G6PC1: variants seen among roughly 807,000 people sequenced by gnomAD.
The protein encoded by G6PC1 is G-6-Pase.
Under a neutral mutation model 30.4 loss-of-function variants are expected in G6PC1, and 23 were observed. The observed-to-expected ratio is 0.76, with a 90% confidence interval of 0.55 to 1.07. The LOEUF (loss-of-function observed/expected upper bound fraction) is 1.07. G6PC1 is among the 50% of genes least tolerant of loss of function. The pLI is 0.00. For missense variants in G6PC1, 391 were observed against 433.9 expected (o/e 0.90, Z 0.88); for synonymous variants, 163 against 175.6 (o/e 0.93, Z 0.57).
chr17:42,901,081 G>T lies in G6PC1; in HGVS notation c.205G>T (p.Asp69Tyr). Reference protein sequence around the residue: ...IKLLWVAVIGDWLNLVFKWIL... With the variant: ...IKLLWVAVIGYWLNLVFKWIL... ...ACTCCTTTGGGTAGCTGTGATTGGA[G>T]ACTGGCTCAACCTCGTCTTTAAGTG... Residue 69 changes from aspartate to tyrosine, a missense_variant, in exon 1 of 5, where the codon GAC (aspartate) becomes TAC (tyrosine). Physicochemically the swap from Asp to Tyr is radical, Grantham distance 160. Coordinates refer to ENST00000253801, the MANE Select transcript of G6PC1 (RefSeq NM_000151.4). The T allele has an allele frequency of 6.2e-7, 1 of 1,614,124 alleles. No individual in the cohort carries two copies. The highest frequency in any genetic ancestry group is 8.5e-7 in the Non-Finnish European group (1 of 1,179,986).
In G6PC1 at chr17:42,911,422, T is replaced by C; in HGVS notation, c.1070T>C (p.Leu357Ser). 1 of 1,614,016 alleles carries C rather than the reference T, an allele frequency of 6.2e-7. No individual in the cohort carries two copies. Among genetic ancestry groups the C allele is most frequent in the South Asian group, 1.1e-5 (1 of 91,078 alleles). Residue 357 changes from leucine to serine, a missense_variant, in exon 5 of 5, where the codon TTG becomes TCG. Transcript: ENST00000253801. ...QVLGQPHKKS[L>S] ...CTGGGCCAGCCGCACAAGAAGTCGT[T>C]GTAAGAGATGTGGAGTCTTCGGTGT...
intron 4 of G6PC1, among the ~76,000 whole-genome samples, chr17:42,910,319 T>A (rs1277282480): frequency 6.6e-6 from 1 of 152,156 alleles, no homozygotes; most frequent in Non-Finnish European, 1.5e-5. Flanking sequence ...AGAAGAATGT[T>A]GAGAACAAGG....
Position 42,906,046 on chromosome 17 carries a change from GA to G in G6PC1, c.341-1463del, listed in dbSNP as rs574024936. ...TGGTGACAGAGAAAGATTCTGTCAGGAAAAAAAAAAAAAAGTTTAAATGAAT... is the reference window on the plus strand; with the variant it reads ...TGGTGACAGAGAAAGATTCTGTCAGGAAAAAAAAAAAAAGTTTAAATGAAT... On this transcript the variant is annotated intron_variant, in intron 2 of 4. Coordinates refer to ENST00000253801, the MANE Select transcript of G6PC1 (RefSeq NM_000151.4). Among the ~76,000 whole-genome samples, 974 of 129,842 alleles carry G rather than the reference GA, an allele frequency of 7.5e-3. 10 individuals are homozygous for G. The highest frequency in any genetic ancestry group is 0.02 in the African/African-American group (728 of 35,540). 85.2% of individuals were successfully genotyped at this position (129,842 alleles called of 152,430 possible).
intron 1 of G6PC1, among the ~76,000 whole-genome samples, 158 bp downstream of exon 1, chr17:42,901,264 G>A (rs1363253980): frequency 6.6e-6 from 1 of 152,154 alleles, no homozygotes; most frequent in Non-Finnish European, 1.5e-5. Flanking sequence ...TCTACATAAA[G>A]GGGGAAGACA....
intron 2 of G6PC1, among the ~76,000 whole-genome samples, chr17:42,904,782 G>A (rs2056048125): frequency 6.6e-6 from 1 of 152,154 alleles, no homozygotes; most frequent in Admixed American, 6.5e-5. Context: ...GCTGAAATCT[G>A]AATAGAGGAG....
rs1344809349 is a variant in G6PC1 at position 42,903,985 on chromosome 17, C to G, written c.285C>G (p.Ser95Arg). Residue 95 changes from serine (S) to arginine (R), a missense_variant, in exon 2 of 5, where the codon AGC becomes AGG. Transcript: ENST00000253801. ...YWWVLDTDYY[S>R]NTSVPLIKQF... The stretch of plus-strand genomic sequence containing the variant: ...GGGTTTTGGATACTGACTACTACAG[C>G]AACACTTCCGTGCCCCTGATAAAGC... 3.7e-6 allele frequency: 6 copies of G among 1,614,104 alleles called. No individual in the cohort carries two copies. The highest frequency in any genetic ancestry group is 5.1e-6 in the Non-Finnish European group (6 of 1,179,952).
At chr17:42,907,090 G>A (rs772862260) in intron 2 of G6PC1, among the ~76,000 whole-genome samples, 1 of 152,186 alleles carries the variant, frequency 6.6e-6, no homozygotes, top group Non-Finnish European at 1.5e-5. Context: ...CGTGTTTGGT[G>A]TGTTTAAAGG....
chr17:42,905,803 G>A (rs1034604053), intron 2 of G6PC1, among the ~76,000 whole-genome samples: 7 of 152,080 alleles, frequency 4.6e-5, no homozygotes, highest in Non-Finnish European at 1.0e-4. Flanking sequence ...AGCACTTTGG[G>A]AGGCCAACGC....
Position 42,901,121 on chromosome 17 carries a change from G to C in G6PC1, c.230+15G>C. 6.3e-7 allele frequency: 1 copy of C among 1,598,852 alleles called. No homozygotes were observed. The highest frequency in any genetic ancestry group is 8.6e-7 in the Non-Finnish European group (1 of 1,166,088). The stretch of plus-strand genomic sequence containing the variant: ...GTCTTTAAGTGGTAAGAACCATATA[G>C]AGAGGAGATCAGCAAGAAAAGAGGC... On this transcript the variant is annotated intron_variant, in intron 1 of 4. Coordinates refer to ENST00000253801, the MANE Select transcript of G6PC1 (RefSeq NM_000151.4).
chr17:42,907,384 CGGATGGATGGGGGGTGAAT>C (rs1428408592), intron 2 of G6PC1, 120 bp from the exon 3 acceptor site: 3 of 636,610 alleles, frequency 4.7e-6, no homozygotes, highest in Non-Finnish European at 8.4e-6. Context: ...GGGGGGTGAA[CGGATGGATGGGGGGTGAAT>C]GGATGGATGA....
At chr17:42,903,139 T>A (rs950191043) in intron 1 of G6PC1, among the ~76,000 whole-genome samples, 1 of 149,806 alleles carries the variant, frequency 6.7e-6, no homozygotes, top group African/African-American at 2.5e-5. Context: ...TGTAGTGCAG[T>A]GGCATAATCT....
chr17:42,911,629 C>T lies in G6PC1; in HGVS notation c.*203C>T. The stretch of plus-strand genomic sequence containing the variant: ...CTCCAGCCTGCCCTCAGCACAGACT[C>T]TTTCAGATGGAGGTGCCATATCACG... On this transcript the variant is annotated 3_prime_UTR_variant, in exon 5 of 5. Transcript: ENST00000253801. 1.5e-6 allele frequency: 1 copy of T among 689,116 alleles called. No homozygotes were observed. Among genetic ancestry groups the T allele is most frequent in the African/African-American group, 1.8e-5 (1 of 56,092 alleles). The allele number at this position is 689,116 out of a possible 1,614,324, so 42.7% of individuals were successfully genotyped here.
Position 42,914,401 on chromosome 17 carries a change from A to T in G6PC1, c.*2975A>T, listed in dbSNP as rs145828729. ...AAGTTTATGAGGTTGATAAGAAAAC[A>T]TAACAGATAAAGTTTATTGAGTGCT... On this transcript the variant is annotated 3_prime_UTR_variant, in exon 5 of 5. Coordinates refer to ENST00000253801, the MANE Select transcript of G6PC1 (RefSeq NM_000151.4). Among the ~76,000 whole-genome samples, 466 of 152,358 alleles carry T rather than the reference A, an allele frequency of 3.1e-3. 3 individuals carry two copies. The highest frequency in any genetic ancestry group is 0.011 in the African/African-American group (445 of 41,590).
chr17:42,901,282 T>TC (rs2056024621), intron 1 of G6PC1, among the ~76,000 whole-genome samples, 176 bp downstream of exon 1: 1 of 152,026 alleles, frequency 6.6e-6, no homozygotes, highest in Non-Finnish European at 1.5e-5. Flanking sequence ...ACAGAAAAAA[T>TC]CCTACCAGTG....
chr17:42,908,955 A>C (rs1431019531), intron 3 of G6PC1, among the ~76,000 whole-genome samples: 1 of 141,286 alleles, frequency 7.1e-6, no homozygotes, highest in Non-Finnish European at 1.5e-5. Context: ...TGATCCACCC[A>C]CCTCGGCCTC....
intron 2 of G6PC1, 24 bp from the exon 3 acceptor site, chr17:42,907,499 T>G: frequency 6.5e-7 from 1 of 1,546,830 alleles, no homozygotes; most frequent in South Asian, 1.1e-5. Context: ...TCACCTTTAC[T>G]CCATTCTCTT....
Position 42,900,868 on chromosome 17 carries a change from G to T in G6PC1, c.-9G>T. 2 of 1,612,214 alleles carry T rather than the reference G, an allele frequency of 1.2e-6. No homozygotes were observed. The highest frequency in any genetic ancestry group is 1.7e-6 in the Non-Finnish European group (2 of 1,178,276). ...GCTGACATCTTCCTGAGGTGCCAAG[G>T]AAATGAGGATGGAGGAAGGAATGAA... On this transcript the variant is annotated 5_prime_UTR_variant, in exon 1 of 5. Coordinates refer to ENST00000253801, the MANE Select transcript of G6PC1 (RefSeq NM_000151.4).
At chr17:42,909,232 T>C in intron 3 of G6PC1, 71 bp from the exon 4 acceptor site, 2 of 1,147,740 alleles carry the variant, frequency 1.7e-6, no homozygotes, top group East Asian at 4.7e-5. Flanking sequence ...CTCCAACATT[T>C]CTGCAGGGGC....
chr17:42,904,972 C>T (rs568699821), intron 2 of G6PC1, among the ~76,000 whole-genome samples: 32 of 150,974 alleles, frequency 2.1e-4, no homozygotes, highest in Non-Finnish European at 4.1e-4. Flanking sequence ...ATTGGTCAGG[C>T]GTGATGGCAC....
Sources: allele counts gnomAD v4.1 joint callset (sites outside exome capture counted in the v4.1 genomes callset), GRCh38; gene constraint gnomAD v4.1.1; transcripts MANE v1.5; gene names NCBI Gene and HGNC (gene_info 2026-07-23, HGNC 2026-07-21).